SPTBN1: variants seen among roughly 807,000 people sequenced by gnomAD.
The protein encoded by SPTBN1 is spectrin beta, non-erythrocytic 1, also known as spectrin beta chain, non-erythrocytic 1.
In SPTBN1, 32 loss-of-function variants were observed where a neutral mutation model predicts 266.4. The ratio of observed to expected loss-of-function variants is 0.12; its 90% CI spans 0.09 to 0.16. The LOEUF (loss-of-function observed/expected upper bound fraction) is 0.16. Ranked by LOEUF, SPTBN1 falls within the 10% of genes least tolerant of loss-of-function variation. The pLI, the probability that SPTBN1 is intolerant of heterozygous loss-of-function variation, is 1.00. For missense variants in SPTBN1, 2,296 were observed against 3,067.1 expected, an observed-to-expected ratio of 0.75 and a Z score of 5.94; for synonymous variants, 1,336 against 1,162.2, an observed-to-expected ratio of 1.15 and a Z score of -3.04.
At chr2:54,571,043 A>G (rs139765413) in intron 2 of SPTBN1, among the ~76,000 whole-genome samples, 68 of 152,212 alleles carry the variant, frequency 4.5e-4, no homozygotes, top group African/African-American at 1.1e-3. Context: ...CAGTCTTGCA[A>G]TGACAGAGAG....
At position 54,465,666 on chromosome 2, in the gene SPTBN1, A is replaced by ATATATATATC. The variant is rs1408352073; in HGVS notation, c.-48+9151_-48+9152insATATATCTAT. Among the ~76,000 whole-genome samples, 26 of 137,816 alleles carry ATATATATATC rather than the reference A, an allele frequency of 1.9e-4. 1 individual carries two copies. In the East Asian group the frequency reaches 4.5e-3, roughly 24 times the overall value. The allele number at this position is 137,816 out of a possible 152,430, so 90.4% of individuals were successfully genotyped here. A position where few individuals can be genotyped will look rare whatever the true frequency, so the allele number is the denominator to read the frequency against. On this transcript the variant is annotated intron_variant, in intron 1 of 35. Coordinates refer to ENST00000356805, the MANE Select transcript of SPTBN1 (RefSeq NM_003128.3). The stretch of plus-strand genomic sequence containing the variant: ...TATATATATATATATATATATATAT[A>ATATATATATC]TATCTCACACATGGGAGAGAGAGGT...
Position 54,646,588 on chromosome 2 carries a change from T to C in SPTBN1, c.4866+113T>C. 1 of 1,234,954 alleles carries C rather than the reference T, an allele frequency of 8.1e-7. No homozygotes were observed. The highest frequency in any genetic ancestry group is 2.7e-5 in the East Asian group (1 of 37,060). 76.5% of individuals were successfully genotyped at this position (1,234,954 alleles called of 1,614,324 possible). On this transcript the variant is annotated intron_variant, in intron 23 of 35. Transcript: ENST00000356805. The surrounding 1 kb of genome is among the most constrained non-coding windows in gnomAD (Gnocchi z 4.4). Reference sequence around the variant, plus strand: ...AAAAACTTCCCTTGTAGCCTTTGAGTGTTAAGGGGACACCATGTGCATGAA... The same window carrying C: ...AAAAACTTCCCTTGTAGCCTTTGAGCGTTAAGGGGACACCATGTGCATGAA...
At chr2:54,606,927 C>T (rs565264496) in intron 3 of SPTBN1, among the ~76,000 whole-genome samples, 2 of 152,298 alleles carry the variant, frequency 1.3e-5, no homozygotes, top group East Asian at 1.9e-4. Context: ...TAAGCCCACC[C>T]GTATTTTATA....
intron 2 of SPTBN1, among the ~76,000 whole-genome samples, chr2:54,536,925 T>C (rs1213533601): frequency 6.6e-6 from 1 of 152,138 alleles, no homozygotes; most frequent in Non-Finnish European, 1.5e-5. Flanking sequence ...CCCAGCTACT[T>C]GTGAGGCTGA....
intron 9 of SPTBN1, 60 bp downstream of exon 9, chr2:54,622,547 G>C: frequency 6.4e-7 from 1 of 1,564,570 alleles, no homozygotes; most frequent in Middle Eastern, 1.7e-4. Context: ...GTAGCCAACA[G>C]ATCCCTATGT....
chr2:54,670,700 A>G lies in SPTBN1; in HGVS notation c.*2131A>G, dbSNP rs1485428733. On this transcript the variant is annotated 3_prime_UTR_variant, in exon 36 of 36. Coordinates refer to ENST00000356805, the MANE Select transcript of SPTBN1 (RefSeq NM_003128.3). ...ATACCAGCAATCCTGGAGTCCCATA[A>G]TAAATACGTACATGTGGAACATCGT... The G allele has an allele frequency of 2.5e-6, 1 of 398,630 alleles. No individual in the cohort carries two copies. The highest frequency in any genetic ancestry group is 4.4e-6 in the Non-Finnish European group (1 of 226,070). The allele number at this position is 398,630 out of a possible 1,614,324, so 24.7% of individuals were successfully genotyped here.
chr2:54,516,115 G>C (rs1348664789), intron 1 of SPTBN1: 2 of 152,054 alleles, frequency 1.3e-5, no homozygotes, highest in Admixed American at 6.6e-5. Flanking sequence ...ACTATTAAAG[G>C]GTTCTTGCCT....
chr2:54,463,220 G>A (rs1214846510), intron 1 of SPTBN1, among the ~76,000 whole-genome samples: 1 of 152,236 alleles, frequency 6.6e-6, no homozygotes, highest in Non-Finnish European at 1.5e-5. Flanking sequence ...TGGCAGGATG[G>A]ATGGGAGGTG....
chr2:54,657,705 A>T (rs1680765506), intron 29 of SPTBN1, 145 bp from the exon 30 acceptor site: 4 of 921,020 alleles, frequency 4.3e-6, no homozygotes, highest in Non-Finnish European at 6.5e-6. Context: ...CATTACATTT[A>T]CATTGGACAG....
intron 1 of SPTBN1, among the ~76,000 whole-genome samples, chr2:54,497,217 T>C (rs1669015159): frequency 6.6e-6 from 1 of 152,160 alleles, no homozygotes; most frequent in African/African-American, 2.4e-5. Context: ...TCTCTGAAAA[T>C]GAGCATCATG....
chr2:54,460,766 G>A (rs1693326040), intron 1 of SPTBN1, among the ~76,000 whole-genome samples: 1 of 152,130 alleles, frequency 6.6e-6, no homozygotes, highest in Non-Finnish European at 1.5e-5. Context: ...TTGGGATGCC[G>A]AGTGGGGGCG....
At chr2:54,639,655 C>T (rs973706635) in intron 18 of SPTBN1, among the ~76,000 whole-genome samples, 2 of 152,242 alleles carry the variant, frequency 1.3e-5, no homozygotes, top group African/African-American at 4.8e-5. Context: ...AGTTACGGTT[C>T]TTCCCGATAG....
chr2:54,470,310 T>TA (rs1444479920), intron 1 of SPTBN1, among the ~76,000 whole-genome samples: 1 of 152,220 alleles, frequency 6.6e-6, no homozygotes, highest in Non-Finnish European at 1.5e-5. Flanking sequence ...TTTTTATTCT[T>TA]AATTATAGTA....
intron 2 of SPTBN1, among the ~76,000 whole-genome samples, chr2:54,559,386 A>G (rs965994094): frequency 1.3e-5 from 2 of 152,154 alleles, no homozygotes; most frequent in African/African-American, 4.8e-5. Context: ...CAGAAGCTTA[A>G]TTTTAATTTT....
intron 1 of SPTBN1, among the ~76,000 whole-genome samples, chr2:54,519,340 A>G (rs1432324502): frequency 1.3e-5 from 2 of 152,214 alleles, no homozygotes; most frequent in Admixed American, 6.5e-5. Flanking sequence ...CAGTCTTTTA[A>G]TGATAGGTCA....
At chr2:54,633,160 C>G (rs1461582779) in intron 17 of SPTBN1, among the ~76,000 whole-genome samples, 5 of 152,154 alleles carry the variant, frequency 3.3e-5, no homozygotes, top group African/African-American at 1.2e-4. Context: ...CCCCTTCATC[C>G]ATGAGAAAGA....
intron 8 of SPTBN1, 122 bp from the exon 9 acceptor site, chr2:54,622,178 C>G: frequency 9.8e-7 from 1 of 1,023,690 alleles, no homozygotes; most frequent in Non-Finnish European, 1.4e-6. Context: ...TGAACTGTTT[C>G]AGAGCTGGCC....
chr2:54,606,132 A>G (rs1676825553), intron 3 of SPTBN1, among the ~76,000 whole-genome samples: 1 of 152,094 alleles, frequency 6.6e-6, no homozygotes, highest in African/African-American at 2.4e-5. Flanking sequence ...CACTTTTTCT[A>G]CCGCATTCAT....
Position 54,610,105 on chromosome 2 carries a change from TGG to T in SPTBN1, c.301-2054_301-2053del, listed in dbSNP as rs577022827. Among the ~76,000 whole-genome samples, 3 of 121,118 alleles carry T rather than the reference TGG, an allele frequency of 2.5e-5. No individual in the cohort carries two copies. The South Asian group carries it at 7.8e-4, about 32-fold the overall frequency. The allele number at this position is 121,118 out of a possible 152,430, so 79.5% of individuals were successfully genotyped here. On this transcript the variant is annotated intron_variant, in intron 3 of 35. Coordinates refer to ENST00000356805, the MANE Select transcript of SPTBN1 (RefSeq NM_003128.3). ...CTTCATTGATTTTCTTAATGGTGCCTGGGAACTCATCTGCTGCCTCTTGGTCA... is the reference window on the plus strand; with the variant it reads ...CTTCATTGATTTTCTTAATGGTGCCTGAACTCATCTGCTGCCTCTTGGTCA...
Sources: allele counts gnomAD v4.1 joint callset (sites outside exome capture counted in the v4.1 genomes callset), GRCh38; gene constraint gnomAD v4.1.1; non-coding constraint Gnocchi (gnomAD v3.1); transcripts MANE v1.5; gene names NCBI Gene and HGNC (gene_info 2026-07-23, HGNC 2026-07-21).